Variants in NEK7 observed in about 807,000 individuals in gnomAD.
NEK7 encodes NIMA related kinase 7, also known as serine/threonine-protein kinase Nek7.
NEK7 carries 18 observed loss-of-function variants against 44.6 expected under a neutral mutation model. The observed-to-expected ratio is 0.40, with a 90% confidence interval of 0.28 to 0.60. NEK7 has a LOEUF of 0.60. Ranked by LOEUF, NEK7 falls within the 20% of genes least tolerant of loss-of-function variation. NEK7 has a pLI of 0.38. For synonymous variants in NEK7, 130 were observed against 121.1 expected (o/e 1.07, Z -0.48); for missense variants, 256 against 366.5 (o/e 0.70, Z 2.46).
chr1:198,263,812 C>T lies in NEK7; in HGVS notation c.262-313C>T, dbSNP rs181139700. ...TGAGGATGTAATTTTTAGCAGTTGG[C>T]GACCTAATTCTATCATTTACTTCTT... On this transcript the variant is annotated intron_variant, in intron 4 of 9. Coordinates refer to ENST00000367385, the MANE Select transcript of NEK7 (RefSeq NM_133494.3). Among the ~76,000 whole-genome samples the T allele has an allele frequency of 3.3e-3, 498 of 151,832 alleles. 9 individuals carry two copies. The highest frequency in any genetic ancestry group is 7.2e-4 in the Non-Finnish European group (49 of 67,844).
chr1:198,164,489 A>G (rs550003753), intron 1 of NEK7, among the ~76,000 whole-genome samples: 3 of 152,366 alleles, frequency 2.0e-5, no homozygotes, highest in African/African-American at 7.2e-5. Flanking sequence ...AGACCACTGC[A>G]ATAAAGTGAA....
At chr1:198,233,648 T>C (rs929786439) in intron 2 of NEK7, among the ~76,000 whole-genome samples, 1 of 152,134 alleles carries the variant, frequency 6.6e-6, no homozygotes, top group African/African-American at 2.4e-5. Context: ...GTGGCAGTAC[T>C]TCCTCAGAGC....
chr1:198,167,393 G>T (rs893247728), intron 1 of NEK7, among the ~76,000 whole-genome samples: 1 of 152,116 alleles, frequency 6.6e-6, no homozygotes, highest in African/African-American at 2.4e-5. Context: ...TTGTGCGGAG[G>T]TTGTGTCTGA....
At chr1:198,310,681 A>C (rs1019665498) in intron 9 of NEK7, among the ~76,000 whole-genome samples, 1 of 152,046 alleles carries the variant, frequency 6.6e-6, no homozygotes, top group Non-Finnish European at 1.5e-5. Flanking sequence ...TTTCCCCAAC[A>C]CCATTTATTA....
At chr1:198,295,307 A>G (rs1374807553) in intron 8 of NEK7, among the ~76,000 whole-genome samples, 1 of 152,148 alleles carries the variant, frequency 6.6e-6, no homozygotes, top group Non-Finnish European at 1.5e-5. Context: ...ACCAGCCCCG[A>G]AGACAGACAG....
At chr1:198,275,981 A>G (rs1654005950) in intron 5 of NEK7, among the ~76,000 whole-genome samples, 1 of 151,698 alleles carries the variant, frequency 6.6e-6, no homozygotes. Flanking sequence ...AGTCAAATTC[A>G]TGTCATTCTT....
At position 198,237,189 on chromosome 1, in the gene NEK7, A is replaced by T. The variant is rs565225067; in HGVS notation, c.57+4552A>T. Among the ~76,000 whole-genome samples the T allele has an allele frequency of 4.6e-5, 7 of 152,302 alleles. 1 individual carries two copies. Among genetic ancestry groups the T allele is most frequent in the Middle Eastern group, 3.4e-3 (1 of 294 alleles). On this transcript the variant is annotated intron_variant, in intron 2 of 9. Coordinates refer to ENST00000367385, the MANE Select transcript of NEK7 (RefSeq NM_133494.3). ...ATTGATTTCTTCTCACCTTCTGAGA[A>T]GGTGACACTTAACAGTGGAGTGCCC... is the stretch of plus-strand genomic sequence containing the variant.
At chr1:198,285,233 C>T (rs1397140658) in intron 7 of NEK7, among the ~76,000 whole-genome samples, 2 of 151,850 alleles carry the variant, frequency 1.3e-5, no homozygotes, top group Non-Finnish European at 2.9e-5. Context: ...CTCATGTATC[C>T]TAGATACCTA....
At chr1:198,274,292 C>T (rs943046233) in intron 5 of NEK7, among the ~76,000 whole-genome samples, 8 of 151,210 alleles carry the variant, frequency 5.3e-5, no homozygotes, top group South Asian at 2.1e-4. Context: ...CACAGCAGTA[C>T]ATTTCTAAAG....
chr1:198,290,157 T>C (rs1654508650), intron 7 of NEK7, among the ~76,000 whole-genome samples: 2 of 152,214 alleles, frequency 1.3e-5, no homozygotes, highest in Non-Finnish European at 2.9e-5. Flanking sequence ...CCTACAATCA[T>C]AAATTCTTGA....
chr1:198,306,595 G>A (rs1373938318), intron 9 of NEK7, among the ~76,000 whole-genome samples: 1 of 152,104 alleles, frequency 6.6e-6, no homozygotes, highest in Non-Finnish European at 1.5e-5. Flanking sequence ...CGATCTTAAA[G>A]TGGTATTATA....
chr1:198,182,872 A>T (rs765030123), intron 1 of NEK7, among the ~76,000 whole-genome samples: 2 of 152,180 alleles, frequency 1.3e-5, no homozygotes, highest in Non-Finnish European at 2.9e-5. Flanking sequence ...ATCCCGATTG[A>T]TAGTAGTCAT....
rs1003048048 is a variant in NEK7 at position 198,256,023 on chromosome 1, T to TA, written c.198+2850dup. On this transcript the variant is annotated intron_variant, in intron 3 of 9. Transcript: ENST00000367385. ...TTTGAAGAATGCTAACCTAACTCTT[T>TA]AAAAAAACCCTAAAGAATTAAATAT... Among the ~76,000 whole-genome samples, 39 of 152,090 alleles carry TA rather than the reference T, an allele frequency of 2.6e-4. 1 individual carries two copies. Among genetic ancestry groups the TA allele is most frequent in the Non-Finnish European group, 3.1e-4 (21 of 68,010 alleles).
At chr1:198,236,996 G>A (rs1242417997) in intron 2 of NEK7, among the ~76,000 whole-genome samples, 1 of 152,042 alleles carries the variant, frequency 6.6e-6, no homozygotes, top group Non-Finnish European at 1.5e-5. Flanking sequence ...CACCTAAGCT[G>A]CTCCTGTCAA....
At chr1:198,226,855 G>T (rs150430466) in intron 1 of NEK7, among the ~76,000 whole-genome samples, 1 of 116,556 alleles carries the variant, frequency 8.6e-6, no homozygotes, top group Non-Finnish European at 1.7e-5. Context: ...GACCTGCTTT[G>T]TCTGATTGTA....
intron 1 of NEK7, among the ~76,000 whole-genome samples, chr1:198,196,853 G>A (rs1480551721): frequency 6.6e-6 from 1 of 152,194 alleles, no homozygotes; most frequent in East Asian, 1.9e-4. Flanking sequence ...GCAAGGAAGA[G>A]TTTGGGAATG....
intron 1 of NEK7, among the ~76,000 whole-genome samples, chr1:198,231,336 T>TATATATATATAA (rs1445188102): frequency 7.5e-6 from 1 of 132,856 alleles, no homozygotes; most frequent in African/African-American, 2.9e-5. Flanking sequence ...TATATATATA[T>TATATATATATAA]AAAAACACAT....
At chr1:198,219,239 T>C (rs1666015656) in intron 1 of NEK7, among the ~76,000 whole-genome samples, 1 of 150,462 alleles carries the variant, frequency 6.6e-6, no homozygotes, top group Non-Finnish European at 1.5e-5. Context: ...CTATTAAATT[T>C]ATGTATATTT....
At chr1:198,224,151 A>T (rs1225455446) in intron 1 of NEK7, among the ~76,000 whole-genome samples, 5 of 152,226 alleles carry the variant, frequency 3.3e-5, no homozygotes, top group Non-Finnish European at 7.4e-5. Context: ...CATGTGCCAC[A>T]TAATGATGCT....
Sources: gnomAD v4.1 joint callset for allele counts (sites outside exome capture counted in the v4.1 genomes callset) on GRCh38, gnomAD v4.1.1 for gene constraint, MANE v1.5 for transcripts, NCBI Gene and HGNC (gene_info 2026-07-23, HGNC 2026-07-21) for gene names.